Variants in GALNT16 observed in about 807,000 individuals in gnomAD.
The protein encoded by GALNT16 is UDP-GalNAc:polypeptide N-acetylgalactosaminyltransferase-like protein 1.
In GALNT16, 40 loss-of-function variants were observed where a neutral mutation model predicts 76.1. The observed-to-expected ratio is 0.53, with a 90% confidence interval of 0.41 to 0.68. GALNT16 has a LOEUF of 0.68. Among genes scored for constraint, GALNT16 ranks in the 30% least tolerant of loss-of-function variants. GALNT16 has a pLI of 0.00. For missense variants in GALNT16, 621 were observed against 731.9 expected, an observed-to-expected ratio of 0.85 and a Z score of 1.75; for synonymous variants, 276 against 285.2, an observed-to-expected ratio of 0.97 and a Z score of 0.32.
intron 1 of GALNT16, among the ~76,000 whole-genome samples, chr14:69,280,041 T>C (rs2044519509): frequency 6.6e-6 from 1 of 152,250 alleles, no homozygotes; most frequent in Non-Finnish European, 1.5e-5. Context: ...GTAAAATACA[T>C]ATAAGATAAA....
chr14:69,290,516 G>A (rs752814289), intron 1 of GALNT16, among the ~76,000 whole-genome samples: 17 of 152,196 alleles, frequency 1.1e-4, no homozygotes, highest in South Asian at 8.3e-4. Flanking sequence ...TTTGCCCTTC[G>A]GTTTCATTGT....
intron 1 of GALNT16, among the ~76,000 whole-genome samples, chr14:69,287,188 T>C (rs567425569): frequency 6.6e-6 from 1 of 152,350 alleles, no homozygotes; most frequent in South Asian, 2.1e-4. Flanking sequence ...TTCACTTTCA[T>C]AGGGCCCCTT....
At chr14:69,385,520 T>C in the GALNT16 span, among the ~76,000 whole-genome samples, 1 of 152,024 alleles carries the variant, frequency 6.6e-6, no homozygotes, top group East Asian at 1.9e-4. Flanking sequence ...AGTTTCTCCT[T>C]CTCTGGTACA....
intron 9 of GALNT16, among the ~76,000 whole-genome samples, chr14:69,337,922 C>T (rs778848410): frequency 9.9e-5 from 15 of 152,122 alleles, no homozygotes; most frequent in East Asian, 1.9e-4. Flanking sequence ...AAGGAAAGTA[C>T]GAAATCAAAA....
chr14:69,304,184 C>T (rs1341858114), intron 1 of GALNT16, among the ~76,000 whole-genome samples: 4 of 152,140 alleles, frequency 2.6e-5, no homozygotes, highest in South Asian at 2.1e-4. Context: ...ACCAACCAAT[C>T]GCAGGTTAAA....
chr14:69,298,806 A>T (rs908421958), intron 1 of GALNT16: 9 of 152,506 alleles, frequency 5.9e-5, no homozygotes, highest in African/African-American at 2.2e-4. Flanking sequence ...GACTGAGGAG[A>T]GTTGGAGTCG....
intron 2 of GALNT16, among the ~76,000 whole-genome samples, chr14:69,322,648 T>C (rs1349218525): frequency 6.6e-6 from 1 of 152,060 alleles, no homozygotes; most frequent in Non-Finnish European, 1.5e-5. Flanking sequence ...TCCCAGCACT[T>C]TGGGAGGCTG....
intron 1 of GALNT16, among the ~76,000 whole-genome samples, chr14:69,292,186 C>T (rs114586110): frequency 0.013 from 1,993 of 152,326 alleles, 46 homozygotes; most frequent in African/African-American, 0.046. Context: ...ACCTGGAGCA[C>T]AGAGGAAGTG....
At chr14:69,321,756 T>C (rs1594849253) in intron 2 of GALNT16, among the ~76,000 whole-genome samples, 1 of 152,214 alleles carries the variant, frequency 6.6e-6, no homozygotes. Context: ...CTCTCCTCCA[T>C]GGAAGGCTCC....
At chr14:69,317,428 C>A (rs923692335) in intron 1 of GALNT16, among the ~76,000 whole-genome samples, 3 of 152,232 alleles carry the variant, frequency 2.0e-5, no homozygotes, top group Non-Finnish European at 4.4e-5. Context: ...TCTTTCTGAT[C>A]CTCCATGGCC....
chr14:69,296,475 C>T (rs2140134446), intron 1 of GALNT16, among the ~76,000 whole-genome samples: 1 of 152,254 alleles, frequency 6.6e-6, no homozygotes, highest in East Asian at 1.9e-4. Flanking sequence ...GGGCAGATCA[C>T]TTAAGTTCAG....
At chr14:69,296,548 C>T (rs1340542251) in intron 1 of GALNT16, among the ~76,000 whole-genome samples, 3 of 152,062 alleles carry the variant, frequency 2.0e-5, no homozygotes, top group Admixed American at 6.6e-5. Context: ...TAAAAATTAG[C>T]CTGGCATGGT....
In GALNT16 at chr14:69,261,350, C is replaced by T. The variant is rs1057134562; in HGVS notation, c.177+883C>T. Among the ~76,000 whole-genome samples the T allele has an allele frequency of 3.3e-5, 5 of 152,152 alleles. No homozygotes were observed. The highest frequency in any genetic ancestry group is 4.4e-5 in the Non-Finnish European group (3 of 68,020). ...CCCAGGTGACAGAGCTGTGCGTGGC[C>T]AGGCAGGGGCACCTGTTGAGGCGGG... On this transcript the variant is annotated intron_variant, in intron 1 of 14. Transcript: ENST00000448469. The surrounding 1 kb of genome is among the most constrained non-coding windows in gnomAD (Gnocchi z 6.4).
At position 69,333,828 on chromosome 14, in the gene GALNT16, G is replaced by A. The variant is rs2140181773; in HGVS notation, c.967+228G>A. 4 of 510,836 alleles carry A rather than the reference G, an allele frequency of 7.8e-6. No homozygotes were observed. The East Asian group carries it at 1.1e-4, about 14-fold the overall frequency. The allele number at this position is 510,836 out of a possible 1,614,324, so 31.6% of individuals were successfully genotyped here. A position where few individuals can be genotyped will look rare whatever the true frequency, so the allele number is the denominator to read the frequency against. On this transcript the variant is annotated intron_variant, in intron 9 of 14. Coordinates refer to ENST00000448469, the MANE Select transcript of GALNT16 (RefSeq NM_001168368.2). This position sits in a 1 kb window ranked among gnomAD's most constrained non-coding sequence, Gnocchi z 4.2. ...CAATTTGTCCAGAGCCACACAGCTA[G>A]TAAACAAAGAGGTTCTATTTAGGGG... is the stretch of plus-strand genomic sequence containing the variant.
At chr14:69,360,456 C>A (rs1555403100), downstream of GALNT16, among the ~76,000 whole-genome samples, 1 of 151,700 alleles carries the variant, frequency 6.6e-6, no homozygotes, top group Non-Finnish European at 1.5e-5. Context: ...GGTGAAACCA[C>A]ATCTCTACTA....
intron 1 of GALNT16, among the ~76,000 whole-genome samples, chr14:69,287,703 G>A (rs1330988839): frequency 6.6e-6 from 1 of 152,166 alleles, no homozygotes; most frequent in African/African-American, 2.4e-5. Flanking sequence ...CCATCTGCTG[G>A]CCAGCACAGC....
chr14:69,356,055 T>C (rs2045690419), downstream of GALNT16: 1 of 152,206 alleles, frequency 6.6e-6, no homozygotes. Context: ...TCTCAGTGTG[T>C]TTGGTATTTG....
At chr14:69,302,884 C>T (rs12232207) in intron 1 of GALNT16, among the ~76,000 whole-genome samples, 9,847 of 151,970 alleles carry the variant, frequency 0.065, 599 homozygotes, top group East Asian at 0.32. Context: ...ATACTTATAC[C>T]AAAAAAATTA....
chr14:69,326,280 T>C (rs1377714087), intron 5 of GALNT16, among the ~76,000 whole-genome samples: 3 of 152,216 alleles, frequency 2.0e-5, no homozygotes, highest in East Asian at 1.9e-4. Context: ...ACAGTCCCTT[T>C]CTGCCTTGCA....
Sources: gnomAD v4.1 joint callset for allele counts (sites outside exome capture counted in the v4.1 genomes callset) on GRCh38, gnomAD v4.1.1 for gene constraint, Gnocchi (gnomAD v3.1) non-coding constraint, MANE v1.5 for transcripts, NCBI Gene and HGNC (gene_info 2026-07-23, HGNC 2026-07-21) for gene names.